The following TRABD2B variants were observed in gnomAD, a reference collection of about 807,000 sequenced individuals.
The protein encoded by TRABD2B is metalloprotease TIKI2.
A neutral mutation model predicts 40.1 loss-of-function variants in TRABD2B; 14 were observed. That is an observed-to-expected ratio of 0.35 (90% CI 0.23 to 0.55). The LOEUF (loss-of-function observed/expected upper bound fraction) is 0.55, where lower values mean the gene tolerates loss of function less well. TRABD2B is among the 20% of genes least tolerant of loss of function. The probability of loss-of-function intolerance (pLI) is 0.90; values close to 1 mark genes in which losing one functional copy is unlikely to be tolerated. For synonymous variants in TRABD2B, 263 were observed against 277.0 expected, an observed-to-expected ratio of 0.95 and a Z score of 0.50; for missense variants, 541 against 648.6, an observed-to-expected ratio of 0.83 and a Z score of 1.80.
intron 2 of TRABD2B, among the ~76,000 whole-genome samples, chr1:47,926,617 G>T (rs1023009450): frequency 6.6e-6 from 1 of 152,148 alleles, no homozygotes; most frequent in African/African-American, 2.4e-5. Context: ...AGATCTGGCG[G>T]CAGGCCCTCT....
At chr1:47,832,603 G>A (rs948610760) in intron 2 of TRABD2B, among the ~76,000 whole-genome samples, 1 of 152,148 alleles carries the variant, frequency 6.6e-6, no homozygotes, top group African/African-American at 2.4e-5. Flanking sequence ...TGCAGGTGCT[G>A]AAGGGCTGCA....
At chr1:47,992,407 T>C (rs1227269980) in intron 2 of TRABD2B, among the ~76,000 whole-genome samples, 2 of 152,224 alleles carry the variant, frequency 1.3e-5, no homozygotes, top group South Asian at 4.1e-4. Context: ...TTTGTTGTTT[T>C]AAGAGAGACG....
intron 2 of TRABD2B, among the ~76,000 whole-genome samples, chr1:47,829,041 G>C (rs919050133): frequency 2.0e-5 from 3 of 152,194 alleles, no homozygotes; most frequent in Admixed American, 6.5e-5. Context: ...GTGATGTGGG[G>C]AGGGCAGGGA....
At chr1:47,942,458 C>T (rs1645201021) in intron 2 of TRABD2B, among the ~76,000 whole-genome samples, 1 of 152,126 alleles carries the variant, frequency 6.6e-6, no homozygotes, top group Non-Finnish European at 1.5e-5. Flanking sequence ...AATCAGCAAG[C>T]ACTACTCCAG....
rs115389736 is a variant in TRABD2B at position 47,935,992 on chromosome 1, A to G, written c.666+58042T>C. 3.6e-3 allele frequency among the ~76,000 whole-genome samples: 555 copies of G among 152,328 alleles called. 6 individuals carry two copies. Among genetic ancestry groups the G allele is most frequent in the African/African-American group, 0.013 (540 of 41,576 alleles). On this transcript the variant is annotated intron_variant, in intron 2 of 6. Coordinates refer to ENST00000606738, the MANE Select transcript of TRABD2B (RefSeq NM_001194986.2). ...CTCTGAGACTCAAATGTAAAAATAGAGCTAAGAGCTGCTGCCTTGCAGGGC... is the reference window on the plus strand; with the variant it reads ...CTCTGAGACTCAAATGTAAAAATAGGGCTAAGAGCTGCTGCCTTGCAGGGC...
At position 47,901,605 on chromosome 1, in the gene TRABD2B, C is replaced by G. The variant is rs998602912; in HGVS notation, c.666+92429G>C. ...CAGGTATTTAGAGAGCTGAACAAGA[C>G]GTAGCCCCTGCACTCAAGGAGTTCA... On this transcript the variant is annotated intron_variant, in intron 2 of 6. Transcript: ENST00000606738. Among the ~76,000 whole-genome samples, 5 of 152,344 alleles carry G rather than the reference C, an allele frequency of 3.3e-5. No homozygotes were observed. The East Asian group carries it at 9.6e-4, about 29-fold the overall frequency.
chr1:47,840,586 G>T (rs1220072286), intron 2 of TRABD2B, among the ~76,000 whole-genome samples: 1 of 152,190 alleles, frequency 6.6e-6, no homozygotes, highest in African/African-American at 2.4e-5. Context: ...CCTGTCTTCA[G>T]GGTGGCCCTG....
At chr1:47,878,885 T>G (rs1423694587) in intron 2 of TRABD2B, among the ~76,000 whole-genome samples, 1 of 152,018 alleles carries the variant, frequency 6.6e-6, no homozygotes, top group East Asian at 1.9e-4. Flanking sequence ...TTGCTTGAGT[T>G]CAAGAGTTTG....
chr1:47,828,144 A>C (rs768846513), intron 2 of TRABD2B, among the ~76,000 whole-genome samples: 1 of 152,146 alleles, frequency 6.6e-6, no homozygotes, highest in African/African-American at 2.4e-5. Flanking sequence ...AGGGCCACAC[A>C]CAGTAGGTGC....
At chr1:47,895,401 C>A (rs1644503832) in intron 2 of TRABD2B, among the ~76,000 whole-genome samples, 1 of 152,192 alleles carries the variant, frequency 6.6e-6, no homozygotes, top group African/African-American at 2.4e-5. Context: ...CTTCCAAGTT[C>A]AACAACCTTG....
At chr1:47,941,131 C>G (rs1383259596) in intron 2 of TRABD2B, among the ~76,000 whole-genome samples, 1 of 152,216 alleles carries the variant, frequency 6.6e-6, no homozygotes, top group African/African-American at 2.4e-5. Context: ...ACCTCTGAGA[C>G]TCTCACCCTG....
At chr1:47,856,131 C>T (rs767633561) in intron 2 of TRABD2B, among the ~76,000 whole-genome samples, 1 of 152,224 alleles carries the variant, frequency 6.6e-6, no homozygotes, top group Non-Finnish European at 1.5e-5. Context: ...CCCTGAAATG[C>T]TGTTCAGCCT....
intron 2 of TRABD2B, among the ~76,000 whole-genome samples, chr1:47,884,723 C>G (rs1644348934): frequency 6.6e-6 from 1 of 152,164 alleles, no homozygotes; most frequent in African/African-American, 2.4e-5. Flanking sequence ...TCAAGCGATT[C>G]TCCAGCCTCA....
intron 2 of TRABD2B, among the ~76,000 whole-genome samples, chr1:47,871,446 C>G (rs1295524252): frequency 6.6e-6 from 1 of 152,182 alleles, no homozygotes; most frequent in Middle Eastern, 3.2e-3. Context: ...AACCAGCCCC[C>G]ACAGCCACCC....
rs535112710 is a variant in TRABD2B, at chr1:47,984,220, G to A, written c.666+9814C>T. On this transcript the variant is annotated intron_variant, in intron 2 of 6. Transcript: ENST00000606738. ...GCACCGTGGCTGCCCGGGCAGGGCTGGCCGCGCGCCGCGCCGCCTCCTCCA... is the reference window on the plus strand; with the variant it reads ...GCACCGTGGCTGCCCGGGCAGGGCTAGCCGCGCGCCGCGCCGCCTCCTCCA... 1.3e-5 allele frequency among the ~76,000 whole-genome samples: 2 copies of A among 152,364 alleles called. 1 individual carries two copies. The highest frequency in any genetic ancestry group is 4.8e-5 in the African/African-American group (2 of 41,596).
At chr1:47,923,907 TACACACATACACACAC>T (rs1644935794) in intron 2 of TRABD2B, among the ~76,000 whole-genome samples, 2 of 64,224 alleles carry the variant, frequency 3.1e-5, no homozygotes, top group Admixed American at 1.7e-4. Context: ...TCTACACACA[TACACACATACACACAC>T]ACACACACAC....
At chr1:47,975,708 G>C (rs1645745751) in intron 2 of TRABD2B, among the ~76,000 whole-genome samples, 1 of 152,174 alleles carries the variant, frequency 6.6e-6, no homozygotes, top group African/African-American at 2.4e-5. Context: ...TCTTGTCCTA[G>C]AGCGGCAAAC....
intron 2 of TRABD2B, among the ~76,000 whole-genome samples, chr1:47,917,330 C>CTG (rs1422330330): frequency 3.3e-5 from 5 of 152,172 alleles, no homozygotes; most frequent in African/African-American, 7.2e-5. Flanking sequence ...TATCCATTCC[C>CTG]TCATATCTGC....
At chr1:47,826,748 T>C (rs1317876533) in intron 2 of TRABD2B, among the ~76,000 whole-genome samples, 1 of 152,184 alleles carries the variant, frequency 6.6e-6, no homozygotes, top group Non-Finnish European at 1.5e-5. Context: ...TAATTTTTAA[T>C]TTTTAGTGGA....
Sources: gnomAD v4.1 joint callset for allele counts (sites outside exome capture counted in the v4.1 genomes callset) on GRCh38, gnomAD v4.1.1 for gene constraint, MANE v1.5 for transcripts, NCBI Gene and HGNC (gene_info 2026-07-23, HGNC 2026-07-21) for gene names.